Variants in GRID2 observed in about 807,000 individuals in gnomAD.
GRID2 encodes the protein glutamate ionotropic receptor delta type subunit 2.
GRID2 carries 33 observed loss-of-function variants against 114.8 expected under a neutral mutation model. That is an observed-to-expected ratio of 0.29 (90% CI 0.22 to 0.38). GRID2 has a LOEUF of 0.38. Ranked by LOEUF, GRID2 falls within the 10% of genes least tolerant of loss-of-function variation. GRID2 has a pLI of 1.00. For synonymous variants in GRID2, 505 were observed against 449.9 expected, an observed-to-expected ratio of 1.12 and a Z score of -1.55; for missense variants, 1,184 against 1,257.7, an observed-to-expected ratio of 0.94 and a Z score of 0.89.
At position 93,098,519 on chromosome 4, in the gene GRID2, G is replaced by A. The variant is rs953948543; in HGVS notation, c.530-12229G>A. ...CAGAAAGTTATAAGAGGAGGTGCTCGTCAGAATAGAAAAATAGTAGGTAAA... is the reference window on the plus strand; with the variant it reads ...CAGAAAGTTATAAGAGGAGGTGCTCATCAGAATAGAAAAATAGTAGGTAAA... On this transcript the variant is annotated intron_variant, in intron 3 of 15. Transcript: ENST00000282020. Among the ~76,000 whole-genome samples, 6 of 151,928 alleles carry A rather than the reference G, an allele frequency of 3.9e-5. No individual in the cohort carries two copies. The East Asian group carries it at 7.7e-4, about 20-fold the overall frequency.
intron 2 of GRID2, among the ~76,000 whole-genome samples, chr4:92,769,845 G>A (rs963884045): frequency 6.6e-6 from 1 of 152,236 alleles, no homozygotes; most frequent in Admixed American, 6.5e-5. Flanking sequence ...TTTCTCTTAG[G>A]CCTTCAGGCC....
chr4:92,788,633 G>T (rs1029755240), intron 2 of GRID2, among the ~76,000 whole-genome samples: 1 of 151,616 alleles, frequency 6.6e-6, no homozygotes, highest in Non-Finnish European at 1.5e-5. Context: ...CTAATCTTGG[G>T]TGTAACAATT....
intron 4 of GRID2, among the ~76,000 whole-genome samples, chr4:93,175,783 T>C (rs1015779302): frequency 8.5e-5 from 13 of 152,148 alleles, no homozygotes; most frequent in African/African-American, 3.1e-4. Context: ...GAAAAAAATA[T>C]TATATATGTA....
At chr4:92,565,836 G>T (rs149575750) in intron 1 of GRID2, among the ~76,000 whole-genome samples, 1 of 152,018 alleles carries the variant, frequency 6.6e-6, no homozygotes, top group African/African-American at 2.4e-5. Context: ...TGAGTGTATT[G>T]GTTTGTTATT....
chr4:93,470,669 T>G (rs1724715891), intron 11 of GRID2, among the ~76,000 whole-genome samples: 1 of 152,078 alleles, frequency 6.6e-6, no homozygotes, highest in African/African-American at 2.4e-5. Flanking sequence ...TAGGGGACGA[T>G]CTCTCCCTGA....
At chr4:92,662,297 T>C (rs1298462320) in intron 2 of GRID2, among the ~76,000 whole-genome samples, 2 of 151,030 alleles carry the variant, frequency 1.3e-5, no homozygotes, top group Non-Finnish European at 3.0e-5. Context: ...GAAGGAAGCA[T>C]ATATTTACTG....
chr4:92,750,823 A>T (rs1029050275), intron 2 of GRID2, among the ~76,000 whole-genome samples: 7 of 152,234 alleles, frequency 4.6e-5, no homozygotes, highest in African/African-American at 1.7e-4. Flanking sequence ...TTACACAGAT[A>T]TTCAAATATA....
At chr4:92,702,161 G>C (rs190492037) in intron 2 of GRID2, among the ~76,000 whole-genome samples, 20 of 152,232 alleles carry the variant, frequency 1.3e-4, no homozygotes, top group African/African-American at 4.3e-4. Flanking sequence ...CTCCCAGTAT[G>C]AAAGGACGAG....
chr4:93,097,423 T>TAGG (rs1291249809), intron 3 of GRID2, among the ~76,000 whole-genome samples: 2 of 151,830 alleles, frequency 1.3e-5, no homozygotes, highest in Admixed American at 6.6e-5. Context: ...GATTTAGAGA[T>TAGG]TACTGAGTCA....
chr4:93,286,677 ATGTGTGTGTGTGTGGGGGTGTGTGTGTG>A (rs2149136626), intron 8 of GRID2, among the ~76,000 whole-genome samples: 4 of 54,960 alleles, frequency 7.3e-5, no homozygotes, highest in Admixed American at 6.3e-4. Context: ...GCTTTTGTGT[ATGTGTGTGTGTGTGGGGGTGTGTGTGTG>A]TGTGTGTGTG....
intron 2 of GRID2, among the ~76,000 whole-genome samples, chr4:92,985,839 T>C (rs910663540): frequency 5.9e-5 from 9 of 152,192 alleles, no homozygotes; most frequent in African/African-American, 2.2e-4. Context: ...ATTGAAGTTA[T>C]ACATCAATTA....
chr4:92,593,684 T>C (rs374152812), intron 2 of GRID2, among the ~76,000 whole-genome samples: 15 of 152,018 alleles, frequency 9.9e-5, no homozygotes, highest in Admixed American at 2.0e-4. Context: ...AATTTCTGTT[T>C]TCACAAAAGT....
intron 8 of GRID2, among the ~76,000 whole-genome samples, chr4:93,329,920 A>C (rs907583379): frequency 6.6e-6 from 1 of 152,082 alleles, no homozygotes; most frequent in Non-Finnish European, 1.5e-5. Flanking sequence ...GAAAAAAAAA[A>C]AAATTGTACT....
intron 2 of GRID2, among the ~76,000 whole-genome samples, chr4:93,016,208 C>T (rs538976452): frequency 1.3e-5 from 2 of 151,784 alleles, no homozygotes; most frequent in South Asian, 2.1e-4. Flanking sequence ...ATAATACTAA[C>T]GGATGTATCA....
intron 1 of GRID2, among the ~76,000 whole-genome samples, chr4:92,321,988 C>A (rs972136932): frequency 6.6e-6 from 1 of 152,056 alleles, no homozygotes; most frequent in African/African-American, 2.4e-5. Context: ...GACTTATGGA[C>A]TATTGCAAAT....
chr4:92,833,429 A>C (rs1742250694), intron 2 of GRID2, among the ~76,000 whole-genome samples: 1 of 152,220 alleles, frequency 6.6e-6, no homozygotes, highest in Non-Finnish European at 1.5e-5. Flanking sequence ...AGTGGCAATA[A>C]TGTTAATAAA....
At chr4:93,360,823 GC>G (rs1318213117) in intron 8 of GRID2, among the ~76,000 whole-genome samples, 6 of 151,630 alleles carry the variant, frequency 4.0e-5, no homozygotes, top group African/African-American at 1.4e-4. Flanking sequence ...GATGATTAGT[GC>G]CATTTTAAAT....
intron 4 of GRID2, among the ~76,000 whole-genome samples, chr4:93,200,834 T>C (rs1272941870): frequency 1.3e-5 from 2 of 152,122 alleles, no homozygotes; most frequent in Non-Finnish European, 2.9e-5. Context: ...AGACTTGCAG[T>C]GGAAAAAAAT....
At chr4:93,133,940 A>T (rs941741252) in intron 4 of GRID2, among the ~76,000 whole-genome samples, 1 of 152,190 alleles carries the variant, frequency 6.6e-6, no homozygotes, top group Admixed American at 6.5e-5. Flanking sequence ...GTAGAATTCC[A>T]TTTGCTTCAC....
Sources: allele counts gnomAD v4.1 joint callset (sites outside exome capture counted in the v4.1 genomes callset), GRCh38; gene constraint gnomAD v4.1.1; transcripts MANE v1.5; gene names NCBI Gene and HGNC (gene_info 2026-07-23, HGNC 2026-07-21).